Variants in GABRR2 observed in about 807,000 individuals in gnomAD.
GABRR2 encodes gamma-aminobutyric acid type A receptor subunit rho2.
In GABRR2, 36 loss-of-function variants were observed where a neutral mutation model predicts 47.0. The observed-to-expected ratio is 0.77, with a 90% CI of 0.59 to 1.01. The LOEUF (loss-of-function observed/expected upper bound fraction) is 1.01. Among genes scored for constraint, GABRR2 ranks in the 50% least tolerant of loss-of-function variants. GABRR2 has a pLI of 0.00. For missense variants in GABRR2, 587 were observed against 594.6 expected (o/e 0.99, Z 0.13); for synonymous variants, 204 against 227.5 (o/e 0.90, Z 0.93).
intron 2 of GABRR2, among the ~76,000 whole-genome samples, chr6:89,298,425 A>T (rs1037209618): frequency 6.6e-6 from 1 of 152,120 alleles, no homozygotes; most frequent in Non-Finnish European, 1.5e-5. Context: ...ATATGTGGGG[A>T]TTACTCTCCC....
At chr6:89,311,291 C>T (rs978142301) in intron 1 of GABRR2, among the ~76,000 whole-genome samples, 2 of 152,198 alleles carry the variant, frequency 1.3e-5, no homozygotes, top group Non-Finnish European at 2.9e-5. Flanking sequence ...CTGGTCAGCA[C>T]AGTTTTACAT....
chr6:89,300,240 T>G (rs984907416), intron 1 of GABRR2, among the ~76,000 whole-genome samples: 2 of 152,200 alleles, frequency 1.3e-5, no homozygotes, highest in Non-Finnish European at 2.9e-5. Flanking sequence ...CTAGGTGCAG[T>G]GGCTCACACC....
At chr6:89,267,648 T>G in intron 6 of GABRR2, 31 bp downstream of exon 6, 1 of 1,594,064 alleles carries the variant, frequency 6.3e-7, no homozygotes. Flanking sequence ...TTCTTGCACA[T>G]TTGAATCAGA....
Position 89,258,111 on chromosome 6 carries a change from G to T in GABRR2, c.1087-130C>A, listed in dbSNP as rs894011438. ...GATAGAACTAGAAAGATCTCCAGAG[G>T]TTACTTAGTCCAACGATCCTCTACC... On this transcript the variant is annotated intron_variant, in intron 8 of 8. Transcript: ENST00000402938. The T allele has an allele frequency of 4.5e-6, 4 of 882,086 alleles. No individual in the cohort carries two copies. The African/African-American group carries it at 5.1e-5, about 11-fold the overall frequency. 54.6% of individuals were successfully genotyped at this position (882,086 alleles called of 1,614,324 possible).
chr6:89,286,699 C>T (rs1472256584), intron 2 of GABRR2, among the ~76,000 whole-genome samples: 2 of 152,076 alleles, frequency 1.3e-5, no homozygotes, highest in Non-Finnish European at 2.9e-5. Context: ...CCTTAAGTAC[C>T]AGGCAAAGGA....
intron 1 of GABRR2, chr6:89,302,670 C>T (rs952883602): frequency 2.9e-5 from 37 of 1,297,852 alleles, no homozygotes; most frequent in African/African-American, 6.0e-5. Context: ...GATGGCTGCC[C>T]GCGACCGGCA....
Position 89,257,451 on chromosome 6 carries a change from G to A in GABRR2, c.*219C>T. 2 of 567,296 alleles carry A rather than the reference G, an allele frequency of 3.5e-6. No homozygotes were observed. The highest frequency in any genetic ancestry group is 2.2e-5 in the South Asian group (1 of 44,716). The allele number at this position is 567,296 out of a possible 1,614,324, so 35.1% of individuals were successfully genotyped here. On this transcript the variant is annotated 3_prime_UTR_variant, in exon 9 of 9. Transcript: ENST00000402938. ...AGAAGGTCCCAGAGAGATGTGAAGT[G>A]TGACGCGAGACAGCATGAACATGGA...
chr6:89,274,291 G>A (rs554488899), intron 2 of GABRR2, among the ~76,000 whole-genome samples: 45 of 152,272 alleles, frequency 3.0e-4, no homozygotes, highest in African/African-American at 1.0e-3. Flanking sequence ...AGGGAAACTC[G>A]CACCTCAAGT....
chr6:89,277,868 T>TG (rs141786803), intron 2 of GABRR2, among the ~76,000 whole-genome samples: 27,013 of 84,180 alleles, frequency 0.32, 3,856 homozygotes, highest in East Asian at 0.44. Context: ...TGGGCGGGGG[T>TG]GGGGGGGGGT....
chr6:89,285,208 G>C (rs1296800070), intron 2 of GABRR2, among the ~76,000 whole-genome samples: 1 of 152,234 alleles, frequency 6.6e-6, no homozygotes, highest in African/African-American at 2.4e-5. Context: ...GGATAGCCAA[G>C]GAGTGGCCAG....
intron 1 of GABRR2, among the ~76,000 whole-genome samples, chr6:89,305,427 C>A (rs746974635): frequency 1.3e-5 from 2 of 152,192 alleles, no homozygotes; most frequent in Non-Finnish European, 2.9e-5. Context: ...CACCTGTAAT[C>A]CCAGCACTTG....
chr6:89,281,743 C>T (rs1774257151), intron 2 of GABRR2, among the ~76,000 whole-genome samples: 1 of 152,118 alleles, frequency 6.6e-6, no homozygotes, highest in Non-Finnish European at 1.5e-5. Context: ...GCCCTTGAAT[C>T]CTTGCTTGCT....
At chr6:89,299,335 C>T (rs1774609214) in intron 2 of GABRR2, among the ~76,000 whole-genome samples, 1 of 152,178 alleles carries the variant, frequency 6.6e-6, no homozygotes, top group Non-Finnish European at 1.5e-5. Context: ...CACACCCAGA[C>T]ACACACACAT....
intron 1 of GABRR2, among the ~76,000 whole-genome samples, chr6:89,303,713 A>G (rs1404124747): frequency 6.6e-6 from 1 of 151,926 alleles, no homozygotes; most frequent in Non-Finnish European, 1.5e-5. Context: ...CAACTATACT[A>G]CAAGGCTATG....
intron 1 of GABRR2, among the ~76,000 whole-genome samples, chr6:89,309,178 C>T (rs1222175428): frequency 6.6e-6 from 1 of 152,168 alleles, no homozygotes; most frequent in East Asian, 1.9e-4. Context: ...TCTCACTCAG[C>T]CACTCTCACA....
intron 2 of GABRR2, among the ~76,000 whole-genome samples, chr6:89,277,663 G>C (rs1338586965): frequency 6.6e-6 from 1 of 150,456 alleles, no homozygotes; most frequent in African/African-American, 2.4e-5. Context: ...AAAAAGAAAA[G>C]AAAATAATTA....
At chr6:89,301,118 T>A (rs997398359) in intron 1 of GABRR2, among the ~76,000 whole-genome samples, 1 of 152,092 alleles carries the variant, frequency 6.6e-6, no homozygotes, top group Non-Finnish European at 1.5e-5. Flanking sequence ...ATTCATCACA[T>A]AAAACTAAAG....
intron 2 of GABRR2, among the ~76,000 whole-genome samples, chr6:89,274,333 G>C (rs1774116263): frequency 6.6e-6 from 1 of 152,144 alleles, no homozygotes; most frequent in Non-Finnish European, 1.5e-5. Context: ...TGCCCTCCTT[G>C]GTCTGAGCGC....
rs779529657 is a variant in GABRR2, at chr6:89,267,747, A to T, written c.668T>A (p.Ile223Asn). The T allele has an allele frequency of 1.2e-6, 2 of 1,613,792 alleles. No homozygotes were observed. Among genetic ancestry groups the T allele is most frequent in the East Asian group, 2.2e-5 (1 of 44,898 alleles). Residue 223 changes from isoleucine (I) to asparagine (N), a missense_variant, in exon 6 of 9, where the codon ATC becomes AAC. By Grantham distance (149) the Ile-to-Asn change is moderately radical. Transcript: ENST00000402938. Reference sequence around the variant, plus strand: ...CTGAATCAGAAACTGAGACAAGGAGATCTTCTCATCTGTTTTTAGGGATTC... The same window carrying T: ...CTGAATCAGAAACTGAGACAAGGAGTTCTTCTCATCTGTTTTTAGGGATTC... ...GDESLKTDEK[I>N]SLSQFLIQKF...
Sources: allele counts gnomAD v4.1 joint callset (sites outside exome capture counted in the v4.1 genomes callset), GRCh38; gene constraint gnomAD v4.1.1; transcripts MANE v1.5; gene names NCBI Gene and HGNC (gene_info 2026-07-23, HGNC 2026-07-21).